PPIE: variants seen among roughly 807,000 people sequenced by gnomAD.
The protein encoded by PPIE is peptidylprolyl isomerase E.
A neutral mutation model predicts 38.4 loss-of-function variants in PPIE; 20 were observed. The observed-to-expected ratio is 0.52, with a 90% CI of 0.37 to 0.76. The LOEUF (loss-of-function observed/expected upper bound fraction) is 0.76, where lower values mean the gene tolerates loss of function less well. Among genes scored for constraint, PPIE ranks in the 30% least tolerant of loss-of-function variants. PPIE has a pLI of 0.00. For missense variants in PPIE, 322 were observed against 385.8 expected (o/e 0.83, Z 1.39); for synonymous variants, 142 against 135.7 (o/e 1.05, Z -0.32).
chr1:39,740,967 G>A (rs575218115), intron 2 of PPIE, among the ~76,000 whole-genome samples: 4 of 152,292 alleles, frequency 2.6e-5, no homozygotes, highest in African/African-American at 9.6e-5. Flanking sequence ...GATAAAGACT[G>A]AGCATCTTTA....
At chr1:39,760,173 T>A, downstream of PPIE, 2 of 634,002 alleles carry the variant, frequency 3.2e-6, no homozygotes, top group East Asian at 3.0e-5. Context: ...GGCGTTTGCA[T>A]TTGGGTAGAA....
chr1:39,749,194 C>A, intron 8 of PPIE, 106 bp downstream of exon 8: 1 of 1,210,694 alleles, frequency 8.3e-7, no homozygotes, highest in Non-Finnish European at 1.2e-6. Flanking sequence ...CACTAAGAGT[C>A]TGGAGGAGAC....
intron 2 of PPIE, among the ~76,000 whole-genome samples, chr1:39,740,579 C>T (rs1647033259): frequency 6.6e-6 from 1 of 152,152 alleles, no homozygotes; most frequent in South Asian, 2.1e-4. Context: ...GATGGGTACC[C>T]CATCCCACCT....
Position 39,753,719 on chromosome 1 carries a change from T to C in PPIE, c.*364T>C. 9.6e-7 allele frequency: 1 copy of C among 1,040,200 alleles called. No homozygotes were observed. The highest frequency in any genetic ancestry group is 1.2e-6 in the Non-Finnish European group (1 of 864,680). 64.4% of individuals were successfully genotyped at this position (1,040,200 alleles called of 1,614,324 possible). On this transcript the variant is annotated 3_prime_UTR_variant, in exon 10 of 10. Transcript: ENST00000324379. ...TTCTTATATTGCTCTTCCTGCTAGT[T>C]CTTGGGAGTTGTCAGAGATTGTGTC... is the stretch of plus-strand genomic sequence containing the variant.
chr1:39,746,212 A>G (rs1647199519), intron 7 of PPIE: 1 of 152,094 alleles, frequency 6.6e-6, no homozygotes. Flanking sequence ...TAGGTACCAT[A>G]ATTTTGGTTA....
rs1352872542 is a variant in PPIE, at chr1:39,745,459, C to G, written c.469C>G (p.Gln157Glu). The change falls in exon 7 of 10, where the codon CAG becomes GAG. Residue 157 changes from glutamine to glutamate, a missense_variant. Physicochemically the swap from Gln to Glu is conservative, Grantham distance 29 (BLOSUM62 2). Transcript: ENST00000324379. ...KIGNKPAGRI[Q>E]MLLRSDVVPM... ...TGGGAACAAGCCGGCTGGCCGCATC[C>G]AGATGCTCCTGCGTTCTGATGTCGT... 1.2e-6 allele frequency: 2 copies of G among 1,614,138 alleles called. No individual in the cohort carries two copies. The highest frequency in any genetic ancestry group is 1.7e-5 in the Admixed American group (1 of 60,012).
At chr1:39,740,425 A>G (rs946800195) in intron 2 of PPIE, among the ~76,000 whole-genome samples, 162 bp downstream of exon 2, 2 of 152,236 alleles carry the variant, frequency 1.3e-5, no homozygotes, top group East Asian at 1.9e-4. Flanking sequence ...TGGAGAAGGA[A>G]TGTTCTGAGG....
At position 39,756,130 on chromosome 1, in the gene PPIE, G is replaced by A. The variant is rs910035521; in HGVS notation, c.*2775G>A. The A allele has an allele frequency of 2.7e-5, 27 of 985,324 alleles. No individual in the cohort carries two copies. Among genetic ancestry groups the A allele is most frequent in the African/African-American group, 5.2e-5 (3 of 57,248 alleles). The allele number at this position is 985,324 out of a possible 1,614,324, so 61.0% of individuals were successfully genotyped here. ...GGCATGCCCCACAGCCTGGCCACCT[G>A]CTTCGGCTACGCACCATGCAGCAGC... On this transcript the variant is annotated 3_prime_UTR_variant, in exon 10 of 10. Transcript: ENST00000324379.
intron 2 of PPIE, among the ~76,000 whole-genome samples, 200 bp downstream of exon 2, chr1:39,740,463 T>C (rs1051319741): frequency 6.6e-6 from 1 of 152,228 alleles, no homozygotes; most frequent in Non-Finnish European, 1.5e-5. Context: ...CTGAATACTT[T>C]CCAGAGTCTT....
At position 39,748,919 on chromosome 1, in the gene PPIE, G is replaced by A. The variant is rs148125553; in HGVS notation, c.525G>A (p.Leu175=). 40 of 1,613,950 alleles carry A rather than the reference G, an allele frequency of 2.5e-5. No homozygotes were observed. The African/African-American group carries it at 4.3e-4, about 17-fold the overall frequency. Residue 175 remains leucine, a synonymous_variant, in exon 8 of 10, where the codon CTG becomes CTA. Coordinates refer to ENST00000324379, the MANE Select transcript of PPIE (RefSeq NM_006112.4). ...CAATTCCAGAGAATTTCCGCTGCCTGTGCACTCATGAAAAGGGCTTTGGCT... is the reference window on the plus strand; with the variant it reads ...CAATTCCAGAGAATTTCCGCTGCCTATGCACTCATGAAAAGGGCTTTGGCT... The part of the protein sequence containing the change: ...VPMTAENFRC[L]CTHEKGFGFK...
intron 4 of PPIE, 100 bp downstream of exon 4, chr1:39,742,021 T>C: frequency 1.6e-6 from 2 of 1,285,794 alleles, no homozygotes; most frequent in Non-Finnish European, 2.2e-6. Context: ...GTTACAAGGT[T>C]GCATGGGGAG....
intron 1 of PPIE, 131 bp downstream of exon 1, chr1:39,739,062 C>A: frequency 9.9e-7 from 1 of 1,008,980 alleles, no homozygotes; most frequent in Non-Finnish European, 1.3e-6. Flanking sequence ...GGCGGTAGTG[C>A]TGGCGATAGC....
Position 39,753,912 on chromosome 1 carries a change from G to T in PPIE, c.*557G>T, listed in dbSNP as rs151287633. The T allele has an allele frequency of 3.0e-6, 3 of 985,232 alleles. No individual in the cohort carries two copies. The highest frequency in any genetic ancestry group is 3.6e-6 in the Non-Finnish European group (3 of 829,928). 61.0% of individuals were successfully genotyped at this position (985,232 alleles called of 1,614,324 possible). On this transcript the variant is annotated 3_prime_UTR_variant, in exon 10 of 10. Transcript: ENST00000324379. ...CGGAAATTAAAGACTGGAAAGCTCC[G>T]GTCTTCTGCTGCCTCTGCTCCTAAA...
At chr1:39,762,802 C>T (rs1004284344) in intron 9 of PPIE, among the ~76,000 whole-genome samples, 6 of 152,266 alleles carry the variant, frequency 3.9e-5, no homozygotes, top group Admixed American at 3.9e-4. Context: ...CTGAGCGCTG[C>T]ACACAGGTGC....
At chr1:39,741,295 C>T in intron 2 of PPIE, 71 bp from the exon 3 acceptor site, 26 of 1,434,756 alleles carry the variant, frequency 1.8e-5, no homozygotes, top group Admixed American at 6.7e-5. Context: ...ACTGACTTCA[C>T]TTTGTGACCA....
At position 39,752,922 on chromosome 1, in the gene PPIE, T is replaced by C; in HGVS notation, c.707T>C (p.Met236Thr). 6.2e-7 allele frequency: 1 copy of C among 1,613,880 alleles called. No individual in the cohort carries two copies. The highest frequency in any genetic ancestry group is 1.7e-4 in the Middle Eastern group (1 of 6,058). ...LKHTGPGLLS[M>T]ANSGPNTNGS... ...TTCTCTCCCTCAGGTCTACTATCCATGGCCAACTCTGGCCCAAACACCAAT... is the reference window on the plus strand; with the variant it reads ...TTCTCTCCCTCAGGTCTACTATCCACGGCCAACTCTGGCCCAAACACCAAT... The change falls in exon 9 of 10, where the codon ATG (methionine) becomes ACG (threonine). Residue 236 changes from methionine to threonine, a missense_variant. Transcript: ENST00000324379.
chr1:39,743,079 G>T (rs1647102095), intron 4 of PPIE, 137 bp from the exon 5 acceptor site: 4 of 678,010 alleles, frequency 5.9e-6, no homozygotes, highest in Non-Finnish European at 1.0e-5. Flanking sequence ...GCTTTGGGGT[G>T]GCTGCATAGC....
Position 39,756,366 on chromosome 1 carries a change from CT to C in PPIE, c.*3012del, listed in dbSNP as rs1648273252. 8.1e-6 allele frequency: 8 copies of C among 985,310 alleles called. No homozygotes were observed. Among genetic ancestry groups the C allele is most frequent in the Non-Finnish European group, 9.6e-6 (8 of 829,932 alleles). 61.0% of individuals were successfully genotyped at this position (985,310 alleles called of 1,614,324 possible). A position where few individuals can be genotyped will look rare whatever the true frequency, so the allele number is the denominator to read the frequency against. Reference sequence around the variant, plus strand: ...TTCCTTTTGCTGATTCATTTCCCCCCTAACTCATTCAGAGTTGAGCCCCATC... The same window carrying C: ...TTCCTTTTGCTGATTCATTTCCCCCCAACTCATTCAGAGTTGAGCCCCATC... On this transcript the variant is annotated 3_prime_UTR_variant, in exon 10 of 10. Transcript: ENST00000324379.
At chr1:39,762,651 G>A (rs1649153498) in intron 9 of PPIE, 3 of 1,539,730 alleles carry the variant, frequency 1.9e-6, no homozygotes. Flanking sequence ...GTGCGGCACA[G>A]GTGGGTGAGT....
Sources: allele counts gnomAD v4.1 joint callset (sites outside exome capture counted in the v4.1 genomes callset), GRCh38; gene constraint gnomAD v4.1.1; transcripts MANE v1.5; gene names NCBI Gene and HGNC (gene_info 2026-07-23, HGNC 2026-07-21).